Variants in ANKFN1 observed in about 807,000 individuals in gnomAD.
ANKFN1 encodes ankyrin repeat and fibronectin type III domain containing 1, also known as ankyrin repeat and fibronectin type-III domain-containing protein 1.
Under a neutral mutation model 108.7 loss-of-function variants are expected in ANKFN1, and 74 were observed. The ratio of observed to expected loss-of-function variants is 0.68; its 90% confidence interval spans 0.56 to 0.83. The LOEUF is 0.83. ANKFN1 is among the 40% of genes least tolerant of loss of function. The pLI, the probability that ANKFN1 is intolerant of heterozygous loss-of-function variation, is 0.00. For missense variants in ANKFN1, 1,505 were observed against 1,382.3 expected (o/e 1.09, Z -1.41); for synonymous variants, 547 against 516.2 (o/e 1.06, Z -0.81).
At position 56,513,790 on chromosome 17, in the gene ANKFN1, T is replaced by G. The variant is rs2051842627; in HGVS notation, c.*2521T>G. On this transcript the variant is annotated 3_prime_UTR_variant, in exon 21 of 21. Coordinates refer to ENST00000682825, the MANE Select transcript of ANKFN1 (RefSeq NM_001370326.1). ...CACAAAAAGAATAATGCATGTTACA[T>G]TTTAATGGGCATAGTTAAATCAATT... is the stretch of plus-strand genomic sequence containing the variant. Among the ~76,000 whole-genome samples, 1 of 152,250 alleles carries G rather than the reference T, an allele frequency of 6.6e-6. No homozygotes were observed.
At chr17:56,348,569 A>C (rs1419966402) in intron 4 of ANKFN1, among the ~76,000 whole-genome samples, 1 of 152,202 alleles carries the variant, frequency 6.6e-6, no homozygotes, top group Non-Finnish European at 1.5e-5. Flanking sequence ...AGAAAAAACA[A>C]CAACCCCATT....
At chr17:56,223,141 A>G (rs929229328) in intron 2 of ANKFN1, among the ~76,000 whole-genome samples, 1 of 152,146 alleles carries the variant, frequency 6.6e-6, no homozygotes, top group Non-Finnish European at 1.5e-5. Flanking sequence ...TGTTATAAAA[A>G]TTTTCATGAC....
At chr17:56,176,821 C>G (rs1022688165) in intron 1 of ANKFN1, among the ~76,000 whole-genome samples, 1 of 152,158 alleles carries the variant, frequency 6.6e-6, no homozygotes, top group African/African-American at 2.4e-5. Context: ...TCTATTTTTC[C>G]TGTAATGTCA....
intron 4 of ANKFN1, among the ~76,000 whole-genome samples, chr17:56,332,059 A>G (rs750650210): frequency 1.4e-4 from 22 of 152,088 alleles, no homozygotes; most frequent in Non-Finnish European, 2.6e-4. Context: ...CACTGGTCCA[A>G]TGTTCTCCAT....
intron 2 of ANKFN1, among the ~76,000 whole-genome samples, chr17:56,216,321 A>C (rs1196916922): frequency 1.3e-5 from 2 of 152,224 alleles, no homozygotes; most frequent in East Asian, 3.8e-4. Flanking sequence ...TTTATTATTT[A>C]ATTATAACAT....
At chr17:56,242,182 C>T (rs1193340394) in intron 3 of ANKFN1, among the ~76,000 whole-genome samples, 1 of 151,990 alleles carries the variant, frequency 6.6e-6, no homozygotes, top group Non-Finnish European at 1.5e-5. Context: ...TTCACTATTA[C>T]CTATATCTTC....
intron 8 of ANKFN1, among the ~76,000 whole-genome samples, chr17:56,400,946 G>C (rs1439738737): frequency 1.3e-5 from 2 of 152,064 alleles, no homozygotes; most frequent in Non-Finnish European, 2.9e-5. Flanking sequence ...ATTGGCCTAT[G>C]TACCTATTTT....
chr17:56,345,413 T>C (rs1357987071), intron 4 of ANKFN1, among the ~76,000 whole-genome samples: 1 of 152,204 alleles, frequency 6.6e-6, no homozygotes, highest in East Asian at 1.9e-4. Flanking sequence ...TATCCAGTAA[T>C]GGGATCACTG....
intron 3 of ANKFN1, among the ~76,000 whole-genome samples, chr17:56,231,156 A>G (rs1198144164): frequency 6.6e-6 from 1 of 151,494 alleles, no homozygotes; most frequent in Non-Finnish European, 1.5e-5. Flanking sequence ...TTTTTTCTTC[A>G]TTTTTTTTCC....
intron 8 of ANKFN1, among the ~76,000 whole-genome samples, chr17:56,391,714 C>T: frequency 6.6e-6 from 1 of 152,054 alleles, no homozygotes; most frequent in East Asian, 1.9e-4. Context: ...GCGTGAGCCA[C>T]CGCGCCTGAC....
intron 3 of ANKFN1, among the ~76,000 whole-genome samples, chr17:56,309,882 T>C (rs957195668): frequency 1.3e-5 from 2 of 152,186 alleles, no homozygotes; most frequent in South Asian, 4.1e-4. Flanking sequence ...CCTTTCTTCT[T>C]GTGATGATGT....
intron 4 of ANKFN1, among the ~76,000 whole-genome samples, chr17:56,147,582 T>A (rs1908340241): frequency 6.6e-6 from 1 of 151,642 alleles, no homozygotes; most frequent in South Asian, 2.1e-4. Context: ...TGAGAACTAA[T>A]TCCCTATCAT....
intron 4 of ANKFN1, among the ~76,000 whole-genome samples, chr17:56,080,378 GC>G (rs1251667404): frequency 6.6e-6 from 1 of 152,190 alleles, no homozygotes; most frequent in East Asian, 1.9e-4. Flanking sequence ...CAACTTCAAT[GC>G]CCAACAGTAA....
chr17:56,292,271 C>T (rs2044384072), intron 3 of ANKFN1, among the ~76,000 whole-genome samples: 1 of 152,134 alleles, frequency 6.6e-6, no homozygotes. Flanking sequence ...AAGGATCTAA[C>T]AATTGCAGCA....
At chr17:56,485,117 C>A (rs2050817283) in intron 18 of ANKFN1, among the ~76,000 whole-genome samples, 1 of 152,128 alleles carries the variant, frequency 6.6e-6, no homozygotes, top group Non-Finnish European at 1.5e-5. Context: ...CATTGAGTAA[C>A]CTACTATGTG....
intron 2 of ANKFN1, among the ~76,000 whole-genome samples, chr17:56,226,685 C>T (rs1916301615): frequency 6.6e-6 from 1 of 152,038 alleles, no homozygotes; most frequent in Admixed American, 6.6e-5. Flanking sequence ...TACAACTTGG[C>T]CTTCTGATAG....
At chr17:56,182,019 G>A (rs1488114779) in intron 1 of ANKFN1, among the ~76,000 whole-genome samples, 1 of 152,152 alleles carries the variant, frequency 6.6e-6, no homozygotes, top group Non-Finnish European at 1.5e-5. Flanking sequence ...GCATCACAAA[G>A]TGCTCCCATA....
intron 4 of ANKFN1, among the ~76,000 whole-genome samples, chr17:56,104,603 C>T (rs1905707369): frequency 6.6e-6 from 1 of 152,182 alleles, no homozygotes; most frequent in Admixed American, 6.5e-5. Flanking sequence ...CAGAGCTAGC[C>T]CTTCCCCTGG....
intron 3 of ANKFN1, chr17:56,254,268 T>A (rs891597538): frequency 2.6e-5 from 4 of 151,960 alleles, no homozygotes; most frequent in African/African-American, 9.7e-5. Context: ...GCCAAGAGAG[T>A]GAGAAGTGTG....
Sources: gnomAD v4.1 joint callset for allele counts (sites outside exome capture counted in the v4.1 genomes callset) on GRCh38, gnomAD v4.1.1 for gene constraint, MANE v1.5 for transcripts, NCBI Gene and HGNC (gene_info 2026-07-23, HGNC 2026-07-21) for gene names.